KIF26B: variants seen among roughly 807,000 people sequenced by gnomAD.
KIF26B encodes the protein kinesin-like protein KIF26B.
KIF26B carries 63 observed loss-of-function variants against 151.2 expected under a neutral mutation model. The ratio of observed to expected loss-of-function variants is 0.42; its 90% CI spans 0.34 to 0.51. KIF26B has a LOEUF of 0.51. Among genes scored for constraint, KIF26B ranks in the 20% least tolerant of loss-of-function variants. KIF26B has a pLI of 0.07. For missense variants in KIF26B, 2,813 were observed against 2,913.6 expected (o/e 0.97, Z 0.79); for synonymous variants, 1,357 against 1,262.1 (o/e 1.08, Z -1.59).
At chr1:245,279,737 A>G (rs1259973046) in intron 2 of KIF26B, among the ~76,000 whole-genome samples, 1 of 151,594 alleles carries the variant, frequency 6.6e-6, no homozygotes, top group Non-Finnish European at 1.5e-5. Flanking sequence ...TCCCCAAGTA[A>G]TCACTCTTTT....
At chr1:245,456,704 G>T (rs1291494813) in intron 4 of KIF26B, among the ~76,000 whole-genome samples, 1 of 151,928 alleles carries the variant, frequency 6.6e-6, no homozygotes. Context: ...AATATAAATT[G>T]AGTTACCAAA....
chr1:245,607,636 T>C lies in KIF26B; in HGVS notation c.1558-15T>C. ...AGGTCCATTCACGGCTCGTGTCTCC[T>C]CTTGTGTCTGACAGGCTGAAGTGTG... On this transcript the variant is annotated splice_polypyrimidine_tract_variant and intron_variant, in intron 6 of 14. Transcript: ENST00000407071. 1.3e-6 allele frequency: 2 copies of C among 1,597,488 alleles called. No homozygotes were observed. Among genetic ancestry groups the C allele is most frequent in the Non-Finnish European group, 1.7e-6 (2 of 1,171,820 alleles).
At chr1:245,192,488 T>C (rs1669127274) in intron 2 of KIF26B, among the ~76,000 whole-genome samples, 1 of 152,252 alleles carries the variant, frequency 6.6e-6, no homozygotes, top group African/African-American at 2.4e-5. Flanking sequence ...TTGTAAAAAT[T>C]TGATTCTCAT....
intron 4 of KIF26B, among the ~76,000 whole-genome samples, chr1:245,436,658 T>C (rs1658939741): frequency 6.6e-6 from 1 of 152,158 alleles, no homozygotes; most frequent in South Asian, 2.1e-4. Flanking sequence ...CTACTGACTT[T>C]AAGTGTTAAT....
Position 245,156,635 on chromosome 1 carries a change from C to G in KIF26B, c.417C>G (p.Leu139=), listed in dbSNP as rs1319741905. 6.6e-7 allele frequency: 1 copy of G among 1,523,360 alleles called. No homozygotes were observed. The highest frequency in any genetic ancestry group is 1.2e-5 in the South Asian group (1 of 83,254). The allele number at this position is 1,523,360 out of a possible 1,614,324, so 94.4% of individuals were successfully genotyped here. Reference sequence around the variant, plus strand: ...ACTGCAACGCCCGCCTGGTGGAGCTCAAGAGGCAGGCCCTGAGGTTGCTCC... The same window carrying G: ...ACTGCAACGCCCGCCTGGTGGAGCTGAAGAGGCAGGCCCTGAGGTTGCTCC... ...CENCNARLVE[L]KRQALRLLLP... is the part of the protein sequence containing the mutation. Residue 139 remains leucine, a synonymous_variant, in exon 2 of 15, where the codon CTC becomes CTG. Coordinates refer to ENST00000407071, the MANE Select transcript of KIF26B (RefSeq NM_018012.4).
At chr1:245,442,679 A>C (rs1046882132) in intron 4 of KIF26B, among the ~76,000 whole-genome samples, 2 of 150,596 alleles carry the variant, frequency 1.3e-5, no homozygotes, top group African/African-American at 4.9e-5. Flanking sequence ...CCCTGCAGTC[A>C]TCTCCCTCAC....
intron 2 of KIF26B, among the ~76,000 whole-genome samples, chr1:245,158,979 G>A (rs556302940): frequency 3.3e-5 from 5 of 152,180 alleles, no homozygotes; most frequent in African/African-American, 1.2e-4. Context: ...GTGTACCATG[G>A]ATGGAGGCCA....
intron 2 of KIF26B, among the ~76,000 whole-genome samples, chr1:245,346,339 G>C (rs1374678008): frequency 3.3e-5 from 5 of 152,098 alleles, no homozygotes; most frequent in Non-Finnish European, 5.9e-5. Flanking sequence ...AGCCACATCT[G>C]CTTTGTCCCC....
At chr1:245,484,182 T>C (rs1409429639) in intron 4 of KIF26B, among the ~76,000 whole-genome samples, 2 of 151,928 alleles carry the variant, frequency 1.3e-5, no homozygotes, top group African/African-American at 4.8e-5. Context: ...CCTCTCTGCC[T>C]TGCCTCTCTT....
chr1:245,232,655 A>T (rs1670022589), intron 2 of KIF26B, among the ~76,000 whole-genome samples: 1 of 150,206 alleles, frequency 6.7e-6, no homozygotes, highest in Non-Finnish European at 1.5e-5. Context: ...GGTTCAAGCG[A>T]TTCTCCTGTC....
intron 2 of KIF26B, among the ~76,000 whole-genome samples, chr1:245,319,762 T>G (rs1671848100): frequency 6.6e-6 from 1 of 152,144 alleles, no homozygotes; most frequent in Admixed American, 6.5e-5. Flanking sequence ...AAATCTCTGG[T>G]CTCTTTCTAA....
At chr1:245,344,590 T>C (rs927193286) in intron 2 of KIF26B, among the ~76,000 whole-genome samples, 4 of 151,664 alleles carry the variant, frequency 2.6e-5, no homozygotes, top group African/African-American at 7.3e-5. Flanking sequence ...TCACTCTGGC[T>C]TCTGGGATGA....
chr1:245,686,567 A>T lies in KIF26B; in HGVS notation c.3584A>T (p.Glu1195Val), dbSNP rs2044524077. ...GAGCTGGTGTTCACGCTGGTGGAGG[A>T]GCTGACCATCAGCGGGGTCCTGGAC... ...EDELVFTLVEELTISGVLDSG... is the reference protein window; with the variant it reads ...EDELVFTLVEVLTISGVLDSG... The change falls in exon 12 of 15, where the codon GAG becomes GTG. Residue 1195 changes from glutamate to valine, a missense_variant. Around this residue, in one of 3 missense-constraint regions of KIF26B, gnomAD observed 2,060 missense variants for 2,088.6 expected, o/e 0.99. Transcript: ENST00000407071. This position sits in a 1 kb window ranked among gnomAD's most constrained non-coding sequence, Gnocchi z 5.6. 1 of 1,612,830 alleles carries T rather than the reference A, an allele frequency of 6.2e-7. No homozygotes were observed. Among genetic ancestry groups the T allele is most frequent in the Non-Finnish European group, 8.5e-7 (1 of 1,179,780 alleles).
intron 4 of KIF26B, among the ~76,000 whole-genome samples, chr1:245,497,220 A>C (rs1392422988): frequency 2.0e-5 from 3 of 152,150 alleles, no homozygotes; most frequent in Non-Finnish European, 4.4e-5. Context: ...AATATACAGA[A>C]TTAAAAGAAG....
At chr1:245,673,213 C>T (rs1558263031) in intron 10 of KIF26B, among the ~76,000 whole-genome samples, 1 of 129,434 alleles carries the variant, frequency 7.7e-6, no homozygotes, top group Admixed American at 7.6e-5. Flanking sequence ...CCCCGCTGCG[C>T]GCTGCCATCT....
intron 5 of KIF26B, among the ~76,000 whole-genome samples, chr1:245,552,775 T>C (rs1163548540): frequency 6.6e-6 from 1 of 152,150 alleles, no homozygotes; most frequent in Non-Finnish European, 1.5e-5. Context: ...AATTTTTGTA[T>C]TTTTTATGGA....
intron 5 of KIF26B, among the ~76,000 whole-genome samples, chr1:245,556,661 C>T (rs573406703): frequency 9.2e-5 from 14 of 152,030 alleles, no homozygotes; most frequent in African/African-American, 3.4e-4. Flanking sequence ...CTTGGCCTCC[C>T]AAAGTGCTGG....
rs916936314 is a variant in KIF26B at position 245,660,515 on chromosome 1, T to A, written c.2258+14235T>A. On this transcript the variant is annotated intron_variant, in intron 10 of 14. Coordinates refer to ENST00000407071, the MANE Select transcript of KIF26B (RefSeq NM_018012.4). ...ACCATGCCTGGTTAATTTTTAAAAA[T>A]TTTTTTCTAGAGCCAGGGTCTCACT... Among the ~76,000 whole-genome samples, 16 of 151,612 alleles carry A rather than the reference T, an allele frequency of 1.1e-4. No individual in the cohort carries two copies. In the South Asian group the frequency reaches 2.3e-3, roughly 22 times the overall value.
intron 2 of KIF26B, among the ~76,000 whole-genome samples, chr1:245,296,751 G>A (rs1235087574): frequency 6.6e-6 from 1 of 152,186 alleles, no homozygotes; most frequent in Non-Finnish European, 1.5e-5. Context: ...GCTCCCTGCT[G>A]ATTCATGCCC....
Sources: gnomAD v4.1 joint callset for allele counts (sites outside exome capture counted in the v4.1 genomes callset) on GRCh38, gnomAD v4.1.1 for gene constraint, gnomAD v4.1.1 regional missense constraint, Gnocchi (gnomAD v3.1) non-coding constraint, MANE v1.5 for transcripts, NCBI Gene and HGNC (gene_info 2026-07-23, HGNC 2026-07-21) for gene names.